Variants in SLC28A1 observed in about 807,000 individuals in gnomAD.
SLC28A1 encodes the protein solute carrier family 28 member 1.
SLC28A1 carries 64 observed loss-of-function variants against 74.8 expected under a neutral mutation model. The observed-to-expected ratio is 0.86, with a 90% confidence interval of 0.70 to 1.05. SLC28A1 has a LOEUF of 1.05. Ranked by LOEUF, SLC28A1 falls within the 50% of genes least tolerant of loss-of-function variation. SLC28A1 has a pLI of 0.00. For missense variants in SLC28A1, 828 were observed against 822.8 expected, an observed-to-expected ratio of 1.01 and a Z score of -0.08; for synonymous variants, 359 against 335.0, an observed-to-expected ratio of 1.07 and a Z score of -0.78.
downstream of SLC28A1, among the ~76,000 whole-genome samples, chr15:84,948,002 A>G (rs1157295469): frequency 1.3e-5 from 2 of 152,158 alleles, no homozygotes; most frequent in East Asian, 3.8e-4. Flanking sequence ...ATGGGGAAAA[A>G]AAAACTGCGT....
intron 4 of SLC28A1, among the ~76,000 whole-genome samples, chr15:84,889,739 TC>T (rs1965117098): frequency 7.0e-6 from 1 of 142,862 alleles, no homozygotes; most frequent in African/African-American, 2.7e-5. Flanking sequence ...CTTCCTTCCT[TC>T]CTTCCTTCCT....
chr15:84,959,475 C>G, the SLC28A1 span, among the ~76,000 whole-genome samples: 1 of 151,756 alleles, frequency 6.6e-6, no homozygotes, highest in South Asian at 2.1e-4. Context: ...TTCTGAAACT[C>G]CTTTTTTTTT....
chr15:84,917,321 T>C (rs1436504043), intron 9 of SLC28A1, among the ~76,000 whole-genome samples: 1 of 152,168 alleles, frequency 6.6e-6, no homozygotes, highest in Non-Finnish European at 1.5e-5. Flanking sequence ...GAAAACTTCC[T>C]TTCATCCCTG....
chr15:84,895,255 C>T (rs937505195), intron 6 of SLC28A1, 132 bp downstream of exon 6: 1 of 1,569,076 alleles, frequency 6.4e-7, no homozygotes, highest in African/African-American at 1.4e-5. Flanking sequence ...CGCCCCAGGG[C>T]AGGAGCCAGT....
At chr15:84,974,063 T>G in the SLC28A1 span, among the ~76,000 whole-genome samples, 1 of 152,198 alleles carries the variant, frequency 6.6e-6, no homozygotes, top group Non-Finnish European at 1.5e-5. Context: ...CAGAGGGGAC[T>G]TGAATCAGGA....
the SLC28A1 span, among the ~76,000 whole-genome samples, chr15:84,960,156 A>G: frequency 1.3e-5 from 2 of 149,970 alleles, no homozygotes; most frequent in East Asian, 2.0e-4. Flanking sequence ...GGTGCTGAAC[A>G]TTCAGTTTAT....
intron 1 of SLC28A1, chr15:84,886,340 A>C (rs1964595272): frequency 6.1e-6 from 6 of 985,212 alleles, no homozygotes; most frequent in Non-Finnish European, 7.2e-6. Context: ...AAAATGCAAA[A>C]AGCTAACAGC....
chr15:84,943,462 C>T lies in SLC28A1; in HGVS notation c.1599C>T (p.Leu533=), dbSNP rs1567191902. ...ATTTTCAGGTCAGAGCTGAAGTCCT[C>T]ACGACGTTTGCCCTCTGTGGATTTG... ...KQWISVRAEV[L]TTFALCGFAN... The change falls in exon 16 of 19, where the codon CTC becomes CTT. Residue 533 remains leucine (L), a synonymous_variant. Transcript: ENST00000394573. 1.9e-6 allele frequency: 3 copies of T among 1,613,988 alleles called. No homozygotes were observed. The highest frequency in any genetic ancestry group is 2.5e-6 in the Non-Finnish European group (3 of 1,179,890).
At chr15:84,924,897 A>T (rs1329750715) in intron 12 of SLC28A1, among the ~76,000 whole-genome samples, 5 of 139,790 alleles carry the variant, frequency 3.6e-5, no homozygotes, top group East Asian at 2.1e-4. Flanking sequence ...TTTTTTATTA[A>T]TTTTTTTTGT....
intron 14 of SLC28A1, 24 bp from the exon 15 acceptor site, chr15:84,935,297 C>A (rs374877809): frequency 3.1e-6 from 5 of 1,613,818 alleles, no homozygotes; most frequent in Non-Finnish European, 3.4e-6. Context: ...GCCCTCGGTG[C>A]CAGCCATACC....
intron 6 of SLC28A1, among the ~76,000 whole-genome samples, chr15:84,900,167 A>T (rs2141730141): frequency 6.6e-6 from 1 of 151,730 alleles, no homozygotes; most frequent in African/African-American, 2.4e-5. Flanking sequence ...AAATATATAT[A>T]TAAAAAAATT....
chr15:84,920,225 C>T (rs1199219158), intron 10 of SLC28A1, among the ~76,000 whole-genome samples: 1 of 152,172 alleles, frequency 6.6e-6, no homozygotes, highest in Admixed American at 6.5e-5. Flanking sequence ...GCAGACGGAT[C>T]ACCTGAGGTC....
downstream of SLC28A1, among the ~76,000 whole-genome samples, chr15:84,946,893 G>A (rs2079251782): frequency 6.6e-6 from 1 of 152,158 alleles, no homozygotes; most frequent in Non-Finnish European, 1.5e-5. Context: ...TTGGCTTCCA[G>A]GACCTGCGAT....
At position 84,908,732 on chromosome 15, in the gene SLC28A1, C is replaced by T; in HGVS notation, c.732C>T (p.Tyr244=). Reference sequence around the variant, plus strand: ...TTTTCTTTCAGATCTTCCTGAGCTACACGAAGGCTGGCTCCAGCTTCGTGT... The same window carrying T: ...TTTTCTTTCAGATCTTCCTGAGCTATACGAAGGCTGGCTCCAGCTTCGTGT... ...LGEQIRIFLS[Y]TKAGSSFVFG... is the part of the protein sequence containing the mutation. Residue 244 remains tyrosine, a synonymous_variant, in exon 9 of 19, where the codon TAC becomes TAT. Coordinates refer to ENST00000394573, the MANE Select transcript of SLC28A1 (RefSeq NM_004213.5). 2 of 1,613,908 alleles carry T rather than the reference C, an allele frequency of 1.2e-6. No individual in the cohort carries two copies. Among genetic ancestry groups the T allele is most frequent in the Non-Finnish European group, 1.7e-6 (2 of 1,179,960 alleles).
At chr15:84,975,393 G>A in the SLC28A1 span, 3 of 429,662 alleles carry the variant, frequency 7.0e-6, no homozygotes, top group Non-Finnish European at 1.4e-5. Context: ...ATGTCTTATT[G>A]CACTTCTCAG....
chr15:84,888,780 C>A lies in SLC28A1; in HGVS notation c.105C>A (p.Gly35=), dbSNP rs1274357610. The A allele has an allele frequency of 3.9e-6, 6 of 1,552,960 alleles. No individual in the cohort carries two copies. Among genetic ancestry groups the A allele is most frequent in the Non-Finnish European group, 5.2e-6 (6 of 1,147,798 alleles). The change falls in exon 4 of 19, where the codon GGC becomes GGA. Residue 35 remains glycine (G), a synonymous_variant. Transcript: ENST00000394573. ...CTCCCTGCGGGCTGTAGGAGGAAGG[C>A]CAGCTCCCTAGGAGTGACTTGAGCC... ...GADFLESLEE[G]QLPRSDLSPA...
chr15:84,969,573 C>T, the SLC28A1 span, among the ~76,000 whole-genome samples: 2 of 152,114 alleles, frequency 1.3e-5, no homozygotes, highest in Non-Finnish European at 2.9e-5. Context: ...CCCAAGAGCA[C>T]ACATGTAGGG....
downstream of SLC28A1, among the ~76,000 whole-genome samples, chr15:84,946,451 A>AG (rs1281190887): frequency 1.3e-5 from 2 of 152,018 alleles, no homozygotes; most frequent in African/African-American, 2.4e-5. Flanking sequence ...TTCATGCAGT[A>AG]GGTGTTATTA....
chr15:84,931,745 T>G (rs564173203), intron 12 of SLC28A1, among the ~76,000 whole-genome samples: 1 of 151,218 alleles, frequency 6.6e-6, no homozygotes, highest in East Asian at 1.9e-4. Flanking sequence ...GGCTCATGCC[T>G]GTAATCCCAG....
Sources: allele counts gnomAD v4.1 joint callset (sites outside exome capture counted in the v4.1 genomes callset), GRCh38; gene constraint gnomAD v4.1.1; transcripts MANE v1.5; gene names NCBI Gene and HGNC (gene_info 2026-07-23, HGNC 2026-07-21).